ZNF780A: variants seen among roughly 807,000 people sequenced by gnomAD.
ZNF780A encodes zinc finger protein 780A.
A neutral mutation model predicts 56.7 loss-of-function variants in ZNF780A; 40 were observed. That is an observed-to-expected ratio of 0.71 (90% CI 0.55 to 0.92). ZNF780A has a LOEUF of 0.92. Among genes scored for constraint, ZNF780A ranks in the 40% least tolerant of loss-of-function variants. The pLI, the probability that ZNF780A is intolerant of heterozygous loss-of-function variation, is 0.00. For missense variants in ZNF780A, 672 were observed against 783.3 expected, an observed-to-expected ratio of 0.86 and a Z score of 1.70; for synonymous variants, 231 against 248.3, an observed-to-expected ratio of 0.93 and a Z score of 0.66.
rs762473489 is a variant in ZNF780A at position 40,074,984 on chromosome 19, T to C, written c.1458A>G (p.Ser486=). The change falls in exon 6 of 6, where the codon TCA becomes TCG. Residue 486 remains serine (S), a synonymous_variant. Coordinates refer to ENST00000683561, the MANE Select transcript of ZNF780A (RefSeq NM_001142578.2). ...QDCGKAFNRG[S]SLVQHQSIHT... is the part of the protein sequence containing the mutation. ...GAATACTCTGATGTTGAACAAGGCT[T>C]GAGCCACGATTGAAGGCCTTCCCAC... The C allele has an allele frequency of 1.9e-6, 3 of 1,614,184 alleles. No individual in the cohort carries two copies. Among genetic ancestry groups the C allele is most frequent in the Non-Finnish European group, 1.7e-6 (2 of 1,180,034 alleles).
Position 40,074,783 on chromosome 19 carries a change from T to C in ZNF780A, c.1659A>G (p.Gly553=). Residue 553 remains glycine (G), a synonymous_variant, in exon 6 of 6, where the codon GGA becomes GGG. Coordinates refer to ENST00000683561, the MANE Select transcript of ZNF780A (RefSeq NM_001142578.2). ...ATTCCTTACATTCAAAGGGTTTCTT[T>C]CCAGTATGAATACTTCGATGTTGAT... ...NLNQHRSIHT[G]KKPFECKECG... The C allele has an allele frequency of 1.2e-6, 2 of 1,613,688 alleles. No individual in the cohort carries two copies. Among genetic ancestry groups the C allele is most frequent in the Non-Finnish European group, 1.7e-6 (2 of 1,179,840 alleles).
chr19:40,089,409 C>T (rs1177079573), intron 2 of ZNF780A: 2 of 861,108 alleles, frequency 2.3e-6, no homozygotes, highest in African/African-American at 3.4e-5. Context: ...TCCCAATGCT[C>T]CTGTTCTGTA....
chr19:40,072,854 C>T (rs1973884058), downstream of ZNF780A: 16 of 1,535,832 alleles, frequency 1.0e-5, no homozygotes, highest in Non-Finnish European at 1.4e-5. Context: ...TGAGCGCCTA[C>T]ATTCATAGGA....
Position 40,081,887 on chromosome 19 carries a change from AT to A in ZNF780A, c.163del (p.Ile55LeufsTer4), listed in dbSNP as rs1362429466. ...CTCTTTCTCTTGCTCTAGTAACGTA[AT>A]TACATCTGGTTTAGAAATGGAACTT... is the stretch of plus-strand genomic sequence containing the variant. ...LGSSISKPDV[I>X]TLLEQEKEPW... On this transcript the variant is annotated frameshift_variant, in exon 5 of 6. Coordinates refer to ENST00000683561, the MANE Select transcript of ZNF780A (RefSeq NM_001142578.2). LOFTEE classifies it high-confidence loss of function. 6.2e-7 allele frequency: 1 copy of A among 1,611,390 alleles called. No homozygotes were observed. The highest frequency in any genetic ancestry group is 8.5e-7 in the Non-Finnish European group (1 of 1,178,486).
chr19:40,072,586 C>G (rs1182703847), downstream of ZNF780A: 1 of 323,800 alleles, frequency 3.1e-6, no homozygotes, highest in Non-Finnish European at 5.1e-6. Context: ...CCGGCAACGA[C>G]TACCCTCTTT....
At chr19:40,072,563 C>A (rs938626459), downstream of ZNF780A, 2 of 239,290 alleles carry the variant, frequency 8.4e-6, no homozygotes, top group Non-Finnish European at 1.6e-5. Context: ...GGATATAAAC[C>A]CAGGCATTCG....
At position 40,073,791 on chromosome 19, in the gene ZNF780A, C is replaced by T. The variant is rs184775361; in HGVS notation, c.*725G>A. 1.0e-5 allele frequency: 10 copies of T among 988,454 alleles called. No homozygotes were observed. The African/African-American group carries it at 1.4e-4, about 14-fold the overall frequency. The allele number at this position is 988,454 out of a possible 1,614,324, so 61.2% of individuals were successfully genotyped here. A position where few individuals can be genotyped will look rare whatever the true frequency, so the allele number is the denominator to read the frequency against. ...AAGATTTCTCATCAATATGAGCTCT[C>T]TGGTGTTGAGTAAATTTTTCGTACA... On this transcript the variant is annotated 3_prime_UTR_variant, in exon 6 of 6. Transcript: ENST00000683561.
chr19:40,082,283 A>G (rs867669869), intron 4 of ZNF780A, among the ~76,000 whole-genome samples: 2 of 152,142 alleles, frequency 1.3e-5, no homozygotes, highest in Middle Eastern at 3.2e-3. Context: ...ATGATACAAT[A>G]CCTATTTTAT....
chr19:40,084,630 A>T, intron 3 of ZNF780A, 115 bp downstream of exon 3: 1 of 1,059,460 alleles, frequency 9.4e-7, no homozygotes, highest in Non-Finnish European at 1.3e-6. Context: ...CTGTAATGGG[A>T]CAAACTGGGG....
chr19:40,084,503 G>A (rs1974670265), intron 3 of ZNF780A, among the ~76,000 whole-genome samples: 1 of 152,046 alleles, frequency 6.6e-6, no homozygotes, highest in Admixed American at 6.5e-5. Context: ...CCTGACCAAG[G>A]TCTGAGCACA....
At chr19:40,069,284 C>T (rs1973739680), downstream of ZNF780A, 2 of 155,594 alleles carry the variant, frequency 1.3e-5, no homozygotes, top group East Asian at 1.8e-4. Context: ...CCAGTGTATG[C>T]AGACATCACA....
At chr19:40,076,437 A>G (rs1286285722) in intron 5 of ZNF780A, among the ~76,000 whole-genome samples, 1 of 152,238 alleles carries the variant, frequency 6.6e-6, no homozygotes, top group African/African-American at 2.4e-5. Context: ...AAAAATAGGA[A>G]AATGAACCAC....
rs1200319402 is a variant in ZNF780A at position 40,074,508 on chromosome 19, C to G, written c.*8G>C. The stretch of plus-strand genomic sequence containing the variant: ...ACACGATTAAAGGACTTTCCACATT[C>G]CTTACATTCAAGATGCCTTCTCACC... On this transcript the variant is annotated 3_prime_UTR_variant, in exon 6 of 6. Transcript: ENST00000683561. The G allele has an allele frequency of 6.2e-7, 1 of 1,613,208 alleles. No homozygotes were observed. Among genetic ancestry groups the G allele is most frequent in the African/African-American group, 1.3e-5 (1 of 74,986 alleles).
intron 5 of ZNF780A, among the ~76,000 whole-genome samples, chr19:40,078,127 G>A (rs1974258917): frequency 6.6e-6 from 1 of 151,248 alleles, no homozygotes; most frequent in Non-Finnish European, 1.5e-5. Context: ...CAGAAATTCT[G>A]AAACTGAATA....
chr19:40,083,292 G>A (rs1299246551), intron 3 of ZNF780A, 55 bp from the exon 4 acceptor site: 2 of 1,606,314 alleles, frequency 1.2e-6, no homozygotes, highest in Non-Finnish European at 1.7e-6. Context: ...GTTTTAAGAT[G>A]AAAGGAGAGG....
intron 4 of ZNF780A, among the ~76,000 whole-genome samples, chr19:40,082,434 T>C (rs748915056): frequency 6.6e-6 from 1 of 152,216 alleles, no homozygotes; most frequent in African/African-American, 2.4e-5. Context: ...GCTCACTCAG[T>C]ATATTCACTA....
Position 40,073,653 on chromosome 19 carries a change from A to G in ZNF780A, c.*863T>C. The G allele has an allele frequency of 1.0e-6, 1 of 986,070 alleles. No homozygotes were observed. The highest frequency in any genetic ancestry group is 1.2e-6 in the Non-Finnish European group (1 of 830,438). The allele number at this position is 986,070 out of a possible 1,614,324, so 61.1% of individuals were successfully genotyped here. On this transcript the variant is annotated 3_prime_UTR_variant, in exon 6 of 6. Transcript: ENST00000683561. ...GAACTCTAAGGTATTTAGTGTGGCT[A>G]TAAAACGCCCCACATTCCTTACACT...
At chr19:40,082,571 A>G (rs1974538620) in intron 4 of ZNF780A, among the ~76,000 whole-genome samples, 1 of 152,198 alleles carries the variant, frequency 6.6e-6, no homozygotes, top group African/African-American at 2.4e-5. Flanking sequence ...CAGTATACGT[A>G]AATAACAGAC....
chr19:40,075,944 T>G lies in ZNF780A; in HGVS notation c.498A>C (p.Glu166Asp), dbSNP rs1974109471. The change falls in exon 6 of 6, where the codon GAA becomes GAC. Residue 166 changes from glutamate to aspartate, a missense_variant. By Grantham distance (45) the Glu-to-Asp change is conservative. Coordinates refer to ENST00000683561, the MANE Select transcript of ZNF780A (RefSeq NM_001142578.2). Reference protein sequence around the residue: ...SLICNTHKPYECKECGKYFSR... With the variant: ...SLICNTHKPYDCKECGKYFSR... ...TAAAGTATTTCCCACATTCCTTACA[T>G]TCATACGGTTTATGTGTATTGCAAA... 1 of 1,614,046 alleles carries G rather than the reference T, an allele frequency of 6.2e-7. No individual in the cohort carries two copies.
Sources: gnomAD v4.1 joint callset for allele counts (sites outside exome capture counted in the v4.1 genomes callset) on GRCh38, gnomAD v4.1.1 for gene constraint, MANE v1.5 for transcripts, NCBI Gene and HGNC (gene_info 2026-07-23, HGNC 2026-07-21) for gene names.